Variants in PROB1 observed in about 807,000 individuals in gnomAD.
PROB1 encodes the protein proline rich basic protein 1.
For synonymous variants in PROB1, 660 were observed against 699.3 expected (o/e 0.94, Z 0.89); for missense variants, 1,453 against 1,485.7 (o/e 0.98, Z 0.36).
At position 139,392,542 on chromosome 5, in the gene PROB1, G is replaced by A. The variant is rs1199312028; in HGVS notation, c.2540C>T (p.Ala847Val). 1 of 1,351,162 alleles carries A rather than the reference G, an allele frequency of 7.4e-7. No homozygotes were observed. Among genetic ancestry groups the A allele is most frequent in the East Asian group, 3.1e-5 (1 of 32,356 alleles). The allele number at this position is 1,351,162 out of a possible 1,614,324, so 83.7% of individuals were successfully genotyped here. The change falls in exon 1 of 1, where the codon GCC becomes GTC. Residue 847 changes from alanine (A) to valine (V), a missense_variant. Transcript: ENST00000434752. This position sits in a 1 kb window ranked among gnomAD's most constrained non-coding sequence, Gnocchi z 5.8. The part of the protein sequence containing the change: ...REPLALAGRT[A>V]PAQPRAASAP... ...CGAGGCAGCGCGGGGCTGGGCTGGG[G>A]CCGTCCTGCCCGCCAACGCCAGGGG...
chr5:139,394,731 G>A lies in PROB1; in HGVS notation c.351C>T (p.Val117=), dbSNP rs1284982014. Residue 117 remains valine (V), a synonymous_variant, in exon 1 of 1, where the codon GTC becomes GTT. Coordinates refer to ENST00000434752, the MANE Select transcript of PROB1 (RefSeq NM_001161546.2). ...CGCCGGAGCAGCCGAACAGGGGTCC[G>A]ACGCCGAAGATGACTTCCATCTCCC... The part of the protein sequence containing the change: ...PSGEMEVIFG[V]GPLFGCSGAD... The A allele has an allele frequency of 1.3e-6, 2 of 1,532,498 alleles. No homozygotes were observed. Among genetic ancestry groups the A allele is most frequent in the Non-Finnish European group, 1.7e-6 (2 of 1,143,784 alleles). 94.9% of individuals were successfully genotyped at this position (1,532,498 alleles called of 1,614,324 possible).
chr5:139,392,605 T>C lies in PROB1; in HGVS notation c.2477A>G (p.Glu826Gly), dbSNP rs1214763306. The C allele has an allele frequency of 5.1e-6, 7 of 1,367,806 alleles. No homozygotes were observed. Among genetic ancestry groups the C allele is most frequent in the Non-Finnish European group, 5.6e-6 (6 of 1,063,648 alleles). The allele number at this position is 1,367,806 out of a possible 1,614,324, so 84.7% of individuals were successfully genotyped here. ...TGGCGCCTGGACGGCAGCCGCGGGCTCGGGGGCCGTAGGTGGTGTCTTCGG... is the reference window on the plus strand; with the variant it reads ...TGGCGCCTGGACGGCAGCCGCGGGCCCGGGGGCCGTAGGTGGTGTCTTCGG... ...PKPKTPPTAP[E>G]PAAAVQAPLP... Residue 826 changes from glutamate (E) to glycine (G), a missense_variant, in exon 1 of 1, where the codon GAG becomes GGG. Glu to Gly is a moderately conservative substitution (Grantham distance 98, BLOSUM62 -2). Coordinates refer to ENST00000434752, the MANE Select transcript of PROB1 (RefSeq NM_001161546.2). This position sits in a 1 kb window ranked among gnomAD's most constrained non-coding sequence, Gnocchi z 5.8.
chr5:139,392,947 G>T lies in PROB1; in HGVS notation c.2135C>A (p.Pro712His). 6.6e-7 allele frequency: 1 copy of T among 1,511,594 alleles called. No individual in the cohort carries two copies. The highest frequency in any genetic ancestry group is 1.3e-5 in the South Asian group (1 of 79,682). 93.6% of individuals were successfully genotyped at this position (1,511,594 alleles called of 1,614,324 possible). The change falls in exon 1 of 1, where the codon CCC (proline) becomes CAC (histidine). Residue 712 changes from proline to histidine, a missense_variant. Transcript: ENST00000434752. The surrounding 1 kb of genome is among the most constrained non-coding windows in gnomAD (Gnocchi z 5.8). ...FDTVARDASQ[P>H]NGVLRRRAEN... Reference sequence around the variant, plus strand: ...TGCCCTCCGCCGCAGGACCCCGTTGGGCTGTGAGGCGTCCCGGGCGACCGT... The same window carrying T: ...TGCCCTCCGCCGCAGGACCCCGTTGTGCTGTGAGGCGTCCCGGGCGACCGT...
Position 139,391,270 on chromosome 5 carries a change from T to C in PROB1, c.*764A>G, listed in dbSNP as rs1561988102. The C allele has an allele frequency of 6.6e-6, 1 of 151,984 alleles. No individual in the cohort carries two copies. The highest frequency in any genetic ancestry group is 1.5e-5 in the Non-Finnish European group (1 of 68,016). The allele number at this position is 151,984 out of a possible 1,614,324, so 9.4% of individuals were successfully genotyped here. The stretch of plus-strand genomic sequence containing the variant: ...GCTTCCTGATGACCATTTCACCTAC[T>C]CCCGATGTAGGGGGTGGGGGACTGA... On this transcript the variant is annotated 3_prime_UTR_variant, in exon 1 of 1. Coordinates refer to ENST00000434752, the MANE Select transcript of PROB1 (RefSeq NM_001161546.2). The surrounding 1 kb of genome is among the most constrained non-coding windows in gnomAD (Gnocchi z 4.8).
rs1374541473 is a variant in PROB1, at chr5:139,392,148, G to A, written c.2934C>T (p.Thr978=). 42 of 1,411,758 alleles carry A rather than the reference G, an allele frequency of 3.0e-5. No homozygotes were observed. The highest frequency in any genetic ancestry group is 3.9e-5 in the Non-Finnish European group (42 of 1,078,616). 87.5% of individuals were successfully genotyped at this position (1,411,758 alleles called of 1,614,324 possible). A position where few individuals can be genotyped will look rare whatever the true frequency, so the allele number is the denominator to read the frequency against. ...WVSEAGPLDG[T]YYLPVSGTPN... ...GGGTCCCGCTCACCGGCAGGTAGTA[G>A]GTCCCGTCCAGGGGCCCTGCCTCAG... Residue 978 remains threonine (T), a synonymous_variant, in exon 1 of 1, where the codon ACC becomes ACT. Coordinates refer to ENST00000434752, the MANE Select transcript of PROB1 (RefSeq NM_001161546.2). The surrounding 1 kb of genome is among the most constrained non-coding windows in gnomAD (Gnocchi z 5.8).
chr5:139,394,997 C>A lies in PROB1; in HGVS notation c.85G>T (p.Gly29Cys). 6.7e-7 allele frequency: 1 copy of A among 1,492,260 alleles called. No homozygotes were observed. The highest frequency in any genetic ancestry group is 8.9e-7 in the Non-Finnish European group (1 of 1,123,068). The allele number at this position is 1,492,260 out of a possible 1,614,324, so 92.4% of individuals were successfully genotyped here. ...GCCGTGTAGTAGGAGCCTGACGAAC[C>A]GGAGGAGTCCTGGCGCCGCGCGGGG... ...TAPARRQDSS[G>C]SSGSYYTAPG... The change falls in exon 1 of 1, where the codon GGT becomes TGT. Residue 29 changes from glycine (G) to cysteine (C), a missense_variant. Transcript: ENST00000434752.
In PROB1 at chr5:139,394,744, A is replaced by G. The variant is rs1758664506; in HGVS notation, c.338T>C (p.Val113Ala). The change falls in exon 1 of 1, where the codon GTC becomes GCC. Residue 113 changes from valine (V) to alanine (A), a missense_variant. Val to Ala is a moderately conservative substitution (Grantham distance 64). Coordinates refer to ENST00000434752, the MANE Select transcript of PROB1 (RefSeq NM_001161546.2). ...GAACAGGGGTCCGACGCCGAAGATGACTTCCATCTCCCCCGACGGCAGCGT... is the reference window on the plus strand; with the variant it reads ...GAACAGGGGTCCGACGCCGAAGATGGCTTCCATCTCCCCCGACGGCAGCGT... ...LRTLPSGEME[V>A]IFGVGPLFGC... 1 of 1,533,630 alleles carries G rather than the reference A, an allele frequency of 6.5e-7. No individual in the cohort carries two copies. Among genetic ancestry groups the G allele is most frequent in the Admixed American group, 2.0e-5 (1 of 50,510 alleles).
In PROB1 at chr5:139,393,065, G is replaced by A. The variant is rs1179383514; in HGVS notation, c.2017C>T (p.Pro673Ser). The change falls in exon 1 of 1, where the codon CCC becomes TCC. Residue 673 changes from proline (P) to serine (S), a missense_variant. By Grantham distance (74) the Pro-to-Ser change is moderately conservative. Transcript: ENST00000434752. Reference sequence around the variant, plus strand: ...GAAGTGTAGTGAGCCGGGGCGGGGGGCCCCAGTGCTGGCGGCTCTTGCGTC... The same window carrying A: ...GAAGTGTAGTGAGCCGGGGCGGGGGACCCCAGTGCTGGCGGCTCTTGCGTC... The part of the protein sequence containing the change: ...SKTQEPPALG[P>S]PAPAHYTSVF... The A allele has an allele frequency of 6.5e-6, 10 of 1,529,188 alleles. No homozygotes were observed. The highest frequency in any genetic ancestry group is 1.4e-5 in the African/African-American group (1 of 72,066). 94.7% of individuals were successfully genotyped at this position (1,529,188 alleles called of 1,614,324 possible).
Position 139,394,636 on chromosome 5 carries a change from G to A in PROB1, c.446C>T (p.Ala149Val), listed in dbSNP as rs1000686286. Reference protein sequence around the residue: ...AFISPLPPGPASPAAVPRQSQ... With the variant: ...AFISPLPPGPVSPAAVPRQSQ... ...CTGGCGTGGGACCGCGGCGGGAGAC[G>A]CTGGCCCCGGCGGCAAGGGGCTGAT... Residue 149 changes from alanine to valine, a missense_variant, in exon 1 of 1, where the codon GCG becomes GTG. By Grantham distance (64) the Ala-to-Val change is moderately conservative. Coordinates refer to ENST00000434752, the MANE Select transcript of PROB1 (RefSeq NM_001161546.2). The A allele has an allele frequency of 3.3e-6, 5 of 1,534,228 alleles. No homozygotes were observed. Among genetic ancestry groups the A allele is most frequent in the Admixed American group, 3.9e-5 (2 of 50,882 alleles).
In PROB1 at chr5:139,393,815, G is replaced by A. The variant is rs371305571; in HGVS notation, c.1267C>T (p.Arg423Trp). The change falls in exon 1 of 1, where the codon CGG becomes TGG. Residue 423 changes from arginine (R) to tryptophan (W), a missense_variant. Arg to Trp is a moderately radical substitution (Grantham distance 101). Coordinates refer to ENST00000434752, the MANE Select transcript of PROB1 (RefSeq NM_001161546.2). Reference protein sequence around the residue: ...QNLSPWDRTTRRVSSPLFPEA... With the variant: ...QNLSPWDRTTWRVSSPLFPEA... ...GGGAACAATGGGCTACTCACCCTCC[G>A]AGTAGTCCGATCCCACGGGGACAGG... is the stretch of plus-strand genomic sequence containing the variant. The A allele has an allele frequency of 1.6e-4, 248 of 1,551,120 alleles. No individual in the cohort carries two copies. The highest frequency in any genetic ancestry group is 1.9e-4 in the Non-Finnish European group (215 of 1,146,960).
Position 139,393,218 on chromosome 5 carries a change from GA to G in PROB1, c.1863del (p.Pro622ArgfsTer10), listed in dbSNP as rs1758630467. 6.5e-7 allele frequency: 1 copy of G among 1,549,202 alleles called. No individual in the cohort carries two copies. The highest frequency in any genetic ancestry group is 2.0e-5 in the Admixed American group (1 of 50,980). Reference protein sequence around the residue: ...EAASGRPRMAIPRPRDVRKLV... With the variant: ...EAASGRPRMAXPRPRDVRKLV... ...AACTTGCGCACGTCTCGAGGCCGCG[GA>G]ATGGCCATGCGCGGGCGTCCCGAGG... is the stretch of plus-strand genomic sequence containing the variant. On this transcript the variant is annotated frameshift_variant, in exon 1 of 1. Coordinates refer to ENST00000434752, the MANE Select transcript of PROB1 (RefSeq NM_001161546.2). LOFTEE classifies it low-confidence loss of function (END_TRUNC).
chr5:139,394,131 G>T lies in PROB1; in HGVS notation c.951C>A (p.Ser317Arg), dbSNP rs1758648921. 1.9e-6 allele frequency: 3 copies of T among 1,547,362 alleles called. No homozygotes were observed. The highest frequency in any genetic ancestry group is 1.7e-6 in the Non-Finnish European group (2 of 1,145,104). Residue 317 changes from serine to arginine, a missense_variant, in exon 1 of 1, where the codon AGC (serine) becomes AGA (arginine). Physicochemically the swap from Ser to Arg is moderately radical, Grantham distance 110 (BLOSUM62 -1). Transcript: ENST00000434752. ...APAKAPRPWP[S>R]LRERAIRRDK... is the part of the protein sequence containing the mutation. The stretch of plus-strand genomic sequence containing the variant: ...CGCGCCGAATCGCGCGCTCGCGGAG[G>T]CTGGGCCACGGCCTCGGGGCCTTGG...
Position 139,394,466 on chromosome 5 carries a change from G to T in PROB1, c.616C>A (p.Pro206Thr). ...GGGCGCAGCTCGATCTGACGCTTGG[G>T]CACTGTCCGGGGCCTGGCGGGCGCG... is the stretch of plus-strand genomic sequence containing the variant. ...GAAPARPRTV[P>T]KRQIELRPRP... Residue 206 changes from proline to threonine, a missense_variant, in exon 1 of 1, where the codon CCC (proline) becomes ACC (threonine). Pro to Thr is a conservative substitution (Grantham distance 38). Coordinates refer to ENST00000434752, the MANE Select transcript of PROB1 (RefSeq NM_001161546.2). The T allele has an allele frequency of 7.1e-7, 1 of 1,410,976 alleles. No individual in the cohort carries two copies. The highest frequency in any genetic ancestry group is 9.2e-7 in the Non-Finnish European group (1 of 1,091,520). 87.4% of individuals were successfully genotyped at this position (1,410,976 alleles called of 1,614,324 possible). A position where few individuals can be genotyped will look rare whatever the true frequency, so the allele number is the denominator to read the frequency against.
In PROB1 at chr5:139,392,741, C is replaced by G; in HGVS notation, c.2341G>C (p.Gly781Arg). 1.4e-6 allele frequency: 2 copies of G among 1,413,326 alleles called. No individual in the cohort carries two copies. Among genetic ancestry groups the G allele is most frequent in the Non-Finnish European group, 1.8e-6 (2 of 1,083,210 alleles). The allele number at this position is 1,413,326 out of a possible 1,614,324, so 87.5% of individuals were successfully genotyped here. Reference sequence around the variant, plus strand: ...GAGCGCTGGGATGAGCTGCGGGCGCCGCCTAGAGGGCTGGTCCGACCGTCG... The same window carrying G: ...GAGCGCTGGGATGAGCTGCGGGCGCGGCCTAGAGGGCTGGTCCGACCGTCG... ...DGDGRTSPLGGARSSSQRSPV... is the reference protein window; with the variant it reads ...DGDGRTSPLGRARSSSQRSPV... The change falls in exon 1 of 1, where the codon GGC becomes CGC. Residue 781 changes from glycine (G) to arginine (R), a missense_variant. Coordinates refer to ENST00000434752, the MANE Select transcript of PROB1 (RefSeq NM_001161546.2). The surrounding 1 kb of genome is among the most constrained non-coding windows in gnomAD (Gnocchi z 5.8).
Position 139,394,501 on chromosome 5 carries a change from T to A in PROB1, c.581A>T (p.Glu194Val), listed in dbSNP as rs199886274. 271 of 1,430,390 alleles carry A rather than the reference T, an allele frequency of 1.9e-4. 1 individual carries two copies. The Middle Eastern group carries it at 1.9e-3, about 10-fold the overall frequency. 88.6% of individuals were successfully genotyped at this position (1,430,390 alleles called of 1,614,324 possible). A position where few individuals can be genotyped will look rare whatever the true frequency, so the allele number is the denominator to read the frequency against. ...AQFECVEVAL[E>V]EGAAPARPRT... ...GGGCCTGGCGGGCGCGGCGCCCTCC[T>A]CCAGAGCCACCTCCACACACTCGAA... The change falls in exon 1 of 1, where the codon GAG becomes GTG. Residue 194 changes from glutamate to valine, a missense_variant. Coordinates refer to ENST00000434752, the MANE Select transcript of PROB1 (RefSeq NM_001161546.2).
At position 139,392,355 on chromosome 5, in the gene PROB1, C is replaced by G; in HGVS notation, c.2727G>C (p.Glu909Asp). 6.5e-7 allele frequency: 1 copy of G among 1,530,990 alleles called. No individual in the cohort carries two copies. Among genetic ancestry groups the G allele is most frequent in the Non-Finnish European group, 8.8e-7 (1 of 1,139,796 alleles). 94.8% of individuals were successfully genotyped at this position (1,530,990 alleles called of 1,614,324 possible). The change falls in exon 1 of 1, where the codon GAG (glutamate) becomes GAC (aspartate). Residue 909 changes from glutamate (E) to aspartate (D), a missense_variant. Coordinates refer to ENST00000434752, the MANE Select transcript of PROB1 (RefSeq NM_001161546.2). This position sits in a 1 kb window ranked among gnomAD's most constrained non-coding sequence, Gnocchi z 5.8. ...GCAACACCTCCACGTACTGCCCACT[C>G]TCAGGGTCGAAGAGCACCCGCAGCC... ...QPRLRVLFDP[E>D]SGQYVEVLLP...
In PROB1 at chr5:139,394,676, T is replaced by C. The variant is rs1207229778; in HGVS notation, c.406A>G (p.Thr136Ala). 3 of 1,534,476 alleles carry C rather than the reference T, an allele frequency of 2.0e-6. No individual in the cohort carries two copies. The South Asian group carries it at 3.6e-5, about 18-fold the overall frequency. ...ADDREAQQQFTEPAFISPLPP... is the reference protein window; with the variant it reads ...ADDREAQQQFAEPAFISPLPP... ...AAGGGGCTGATGAAGGCCGGCTCCG[T>C]GAACTGTTGTTGCGCCTCGCGATCG... The change falls in exon 1 of 1, where the codon ACG (threonine) becomes GCG (alanine). Residue 136 changes from threonine to alanine, a missense_variant. Transcript: ENST00000434752.
At position 139,394,888 on chromosome 5, in the gene PROB1, G is replaced by T. The variant is rs1561990198; in HGVS notation, c.194C>A (p.Ala65Glu). ...NWPWVAPGRG[A>E]GAQPRLSVSA... ...GACGGACAGGCGAGGCTGCGCGCCC[G>T]CCCCCCGCCCAGGAGCCACCCAGGG... Residue 65 changes from alanine (A) to glutamate (E), a missense_variant, in exon 1 of 1, where the codon GCG (alanine) becomes GAG (glutamate). Coordinates refer to ENST00000434752, the MANE Select transcript of PROB1 (RefSeq NM_001161546.2). 6.0e-6 allele frequency: 9 copies of T among 1,510,394 alleles called. No individual in the cohort carries two copies. The highest frequency in any genetic ancestry group is 1.5e-5 in the African/African-American group (1 of 68,760). The allele number at this position is 1,510,394 out of a possible 1,614,324, so 93.6% of individuals were successfully genotyped here.
chr5:139,392,214 C>T lies in PROB1; in HGVS notation c.2868G>A (p.Pro956=). The stretch of plus-strand genomic sequence containing the variant: ...GGGGGCTGCCGAGGGCCTGCGGGCC[C>T]GGGGACGGTGGCAGAGAGAGGCTGG... ...PIPSLSLPPS[P]GPQALGSPQL... The change falls in exon 1 of 1, where the codon CCG becomes CCA. Residue 956 remains proline, a synonymous_variant. Coordinates refer to ENST00000434752, the MANE Select transcript of PROB1 (RefSeq NM_001161546.2). This position sits in a 1 kb window ranked among gnomAD's most constrained non-coding sequence, Gnocchi z 5.8. The T allele has an allele frequency of 7.0e-7, 1 of 1,434,400 alleles. No homozygotes were observed. The highest frequency in any genetic ancestry group is 9.2e-7 in the Non-Finnish European group (1 of 1,087,214). 88.9% of individuals were successfully genotyped at this position (1,434,400 alleles called of 1,614,324 possible). A position where few individuals can be genotyped will look rare whatever the true frequency, so the allele number is the denominator to read the frequency against.
Sources: gnomAD v4.1 joint callset for allele counts on GRCh38, gnomAD v4.1.1 for gene constraint, Gnocchi (gnomAD v3.1) non-coding constraint, MANE v1.5 for transcripts, NCBI Gene and HGNC (gene_info 2026-07-23, HGNC 2026-07-21) for gene names.